Variants in CNTN1 observed in about 807,000 individuals in gnomAD.
CNTN1 encodes contactin 1, also known as contactin-1.
A neutral mutation model predicts 126.4 loss-of-function variants in CNTN1; 38 were observed. That is an observed-to-expected ratio of 0.30 (90% CI 0.23 to 0.39). CNTN1 has a LOEUF of 0.39. Among genes scored for constraint, CNTN1 ranks in the 10% least tolerant of loss-of-function variants. The pLI, the probability that CNTN1 is intolerant of heterozygous loss-of-function variation, is 1.00. For synonymous variants in CNTN1, 413 were observed against 422.6 expected (o/e 0.98, Z 0.28); for missense variants, 1,009 against 1,248.4 (o/e 0.81, Z 2.89).
At chr12:40,824,400 C>T (rs1039403637) in intron 1 of CNTN1, among the ~76,000 whole-genome samples, 1 of 152,056 alleles carries the variant, frequency 6.6e-6, no homozygotes, top group African/African-American at 2.4e-5. Context: ...ATTAATGTTT[C>T]TAAAGTCCTT....
intron 1 of CNTN1, among the ~76,000 whole-genome samples, chr12:40,765,093 A>G (rs909476429): frequency 6.6e-6 from 1 of 151,154 alleles, no homozygotes; most frequent in African/African-American, 2.4e-5. Flanking sequence ...TATATTTTAT[A>G]TATGTATATA....
At chr12:41,018,472 G>C (rs776265619) in intron 19 of CNTN1, among the ~76,000 whole-genome samples, 7 of 151,800 alleles carry the variant, frequency 4.6e-5, no homozygotes, top group Non-Finnish European at 8.8e-5. Context: ...ATCATCCTAT[G>C]ATCTTTACTT....
chr12:40,694,366 C>T (rs1322155951), intron 1 of CNTN1, among the ~76,000 whole-genome samples: 2 of 152,154 alleles, frequency 1.3e-5, no homozygotes, highest in Non-Finnish European at 2.9e-5. Flanking sequence ...TTGCCATTCC[C>T]TGAAATTACT....
intron 16 of CNTN1, among the ~76,000 whole-genome samples, chr12:40,983,810 G>T: frequency 6.9e-6 from 1 of 144,528 alleles, no homozygotes. Context: ...CTATAATACT[G>T]TATATTAATA....
intron 19 of CNTN1, among the ~76,000 whole-genome samples, chr12:41,019,645 A>C (rs558106956): frequency 1.3e-5 from 2 of 152,270 alleles, no homozygotes; most frequent in African/African-American, 4.8e-5. Flanking sequence ...TTTTCTGTGA[A>C]CAGAGACCTT....
intron 6 of CNTN1, among the ~76,000 whole-genome samples, chr12:40,927,681 AG>A (rs1459383955): frequency 6.6e-6 from 1 of 152,120 alleles, no homozygotes; most frequent in Non-Finnish European, 1.5e-5. Flanking sequence ...TTATATTGCA[AG>A]TCCCACAAAT....
intron 15 of CNTN1, among the ~76,000 whole-genome samples, chr12:40,967,763 G>A (rs7311085): frequency 0.52 from 79,366 of 151,734 alleles, 20,777 homozygotes; most frequent in Middle Eastern, 0.6. Flanking sequence ...ATGGCAATTA[G>A]TTCATATTTT....
At chr12:40,747,801 A>G (rs1938244644) in intron 1 of CNTN1, among the ~76,000 whole-genome samples, 1 of 152,126 alleles carries the variant, frequency 6.6e-6, no homozygotes, top group African/African-American at 2.4e-5. Flanking sequence ...TCTTAATAGG[A>G]AGTTGAGATA....
At chr12:40,972,344 T>C (rs772094568) in intron 15 of CNTN1, 28 of 984,918 alleles carry the variant, frequency 2.8e-5, no homozygotes, top group Non-Finnish European at 4.8e-6. Context: ...AATGTTATTG[T>C]TTGAAAATAC....
At chr12:40,819,767 C>G (rs1379261051) in intron 1 of CNTN1, among the ~76,000 whole-genome samples, 1 of 152,184 alleles carries the variant, frequency 6.6e-6, no homozygotes, top group Admixed American at 6.5e-5. Flanking sequence ...TCTGCACGTT[C>G]TGGGATTGGG....
intron 1 of CNTN1, among the ~76,000 whole-genome samples, chr12:40,749,809 A>AG (rs1397241295): frequency 6.6e-6 from 1 of 152,008 alleles, no homozygotes; most frequent in Non-Finnish European, 1.5e-5. Flanking sequence ...GGTGTTGTGC[A>AG]GGGCTTCAGT....
At chr12:41,012,999 G>A (rs1948698330) in intron 17 of CNTN1, among the ~76,000 whole-genome samples, 1 of 152,128 alleles carries the variant, frequency 6.6e-6, no homozygotes, top group Non-Finnish European at 1.5e-5. Flanking sequence ...AGAAGTGAAA[G>A]AGAAACAGCT....
chr12:40,759,331 A>G (rs1264599463), intron 1 of CNTN1, among the ~76,000 whole-genome samples: 2 of 152,162 alleles, frequency 1.3e-5, no homozygotes, highest in African/African-American at 4.8e-5. Flanking sequence ...GGCTGGGTCA[A>G]GGGAGCTCTG....
At chr12:40,725,388 T>A (rs1942324183) in intron 1 of CNTN1, among the ~76,000 whole-genome samples, 1 of 61,338 alleles carries the variant, frequency 1.6e-5, no homozygotes, top group African/African-American at 7.1e-5. Flanking sequence ...GCAACAAAAG[T>A]GAAACTCTGT....
chr12:40,740,100 C>T (rs1368228633), intron 1 of CNTN1, among the ~76,000 whole-genome samples: 1 of 151,874 alleles, frequency 6.6e-6, no homozygotes, highest in East Asian at 1.9e-4. Context: ...ACAAGATCTG[C>T]CAGATAAATC....
intron 1 of CNTN1, among the ~76,000 whole-genome samples, chr12:40,852,007 G>A (rs928773604): frequency 7.9e-5 from 12 of 152,004 alleles, no homozygotes; most frequent in African/African-American, 2.9e-4. Flanking sequence ...AAGGCTAGGT[G>A]GTCTCAACTG....
At chr12:41,012,508 A>G (rs569991297) in intron 17 of CNTN1, among the ~76,000 whole-genome samples, 5 of 152,312 alleles carry the variant, frequency 3.3e-5, no homozygotes, top group African/African-American at 9.6e-5. Context: ...GGCTGGGGTC[A>G]GTCCAGTAGC....
At chr12:40,797,440 C>A (rs555687330) in intron 1 of CNTN1, among the ~76,000 whole-genome samples, 21 of 152,000 alleles carry the variant, frequency 1.4e-4, no homozygotes, top group African/African-American at 4.8e-4. Flanking sequence ...TATGCAGAGA[C>A]AGAGAGTATG....
chr12:40,913,559 G>A (rs1202648963), intron 3 of CNTN1, among the ~76,000 whole-genome samples: 1 of 152,088 alleles, frequency 6.6e-6, no homozygotes, highest in African/African-American at 2.4e-5. Flanking sequence ...AACAGATTGA[G>A]GTGACATATA....
Sources: gnomAD v4.1 joint callset for allele counts (sites outside exome capture counted in the v4.1 genomes callset) on GRCh38, gnomAD v4.1.1 for gene constraint, MANE v1.5 for transcripts, NCBI Gene and HGNC (gene_info 2026-07-23, HGNC 2026-07-21) for gene names.